The following GABRB1 variants were observed in gnomAD, a reference collection of about 807,000 sequenced individuals.
The protein encoded by GABRB1 is gamma-aminobutyric acid type A receptor subunit beta1, also known as gamma-aminobutyric acid receptor subunit beta-1.
In GABRB1, 17 loss-of-function variants were observed where a neutral mutation model predicts 51.6. The observed-to-expected ratio is 0.33, with a 90% CI of 0.23 to 0.49. The LOEUF (loss-of-function observed/expected upper bound fraction) is 0.49, where lower values mean the gene tolerates loss of function less well. Ranked by LOEUF, GABRB1 falls within the 20% of genes least tolerant of loss-of-function variation. GABRB1 has a pLI of 0.99. For synonymous variants in GABRB1, 247 were observed against 218.9 expected (o/e 1.13, Z -1.14); for missense variants, 410 against 600.6 (o/e 0.68, Z 3.32).
intron 3 of GABRB1, among the ~76,000 whole-genome samples, chr4:47,118,938 AAAT>A (rs1237659628): frequency 6.6e-6 from 1 of 152,194 alleles, no homozygotes; most frequent in Non-Finnish European, 1.5e-5. Flanking sequence ...TAATTAAAAT[AAAT>A]ATTAAAATGG....
chr4:47,196,063 T>G (rs1286572102), intron 4 of GABRB1, among the ~76,000 whole-genome samples: 1 of 152,224 alleles, frequency 6.6e-6, no homozygotes, highest in Non-Finnish European at 1.5e-5. Context: ...TCCATGGCAT[T>G]AATGCCTATA....
intron 4 of GABRB1, among the ~76,000 whole-genome samples, chr4:47,316,788 T>C (rs1319619281): frequency 6.6e-6 from 1 of 151,976 alleles, no homozygotes; most frequent in Non-Finnish European, 1.5e-5. Flanking sequence ...GGGTAGCCTT[T>C]GCTTGGTTAT....
At chr4:47,190,776 T>A (rs1275392504) in intron 4 of GABRB1, among the ~76,000 whole-genome samples, 1 of 152,152 alleles carries the variant, frequency 6.6e-6, no homozygotes, top group East Asian at 1.9e-4. Context: ...AACATATATT[T>A]TGATTCAGTA....
intron 4 of GABRB1, among the ~76,000 whole-genome samples, chr4:47,266,161 T>TA (rs957748088): frequency 3.3e-5 from 5 of 152,198 alleles, no homozygotes; most frequent in African/African-American, 1.2e-4. Context: ...TGCATATGAC[T>TA]ATCTAATTTC....
chr4:47,023,518 G>A (rs982771006), intron 1 of GABRB1, among the ~76,000 whole-genome samples: 1 of 151,876 alleles, frequency 6.6e-6, no homozygotes, highest in African/African-American at 2.4e-5. Flanking sequence ...AAAAGAACTG[G>A]AGTATGCAGT....
intron 1 of GABRB1, among the ~76,000 whole-genome samples, chr4:47,004,719 GAT>G (rs1724334193): frequency 6.6e-6 from 1 of 151,462 alleles, no homozygotes; most frequent in Non-Finnish European, 1.5e-5. Flanking sequence ...ACAAAAAACA[GAT>G]GACACAGTCT....
intron 3 of GABRB1, among the ~76,000 whole-genome samples, chr4:47,107,644 G>C (rs1715023735): frequency 6.6e-6 from 1 of 152,036 alleles, no homozygotes; most frequent in Non-Finnish European, 1.5e-5. Flanking sequence ...TAGGAATAAA[G>C]TTAGTTGACA....
intron 4 of GABRB1, among the ~76,000 whole-genome samples, chr4:47,178,891 G>C (rs1718815282): frequency 6.6e-6 from 1 of 151,944 alleles, no homozygotes; most frequent in Non-Finnish European, 1.5e-5. Flanking sequence ...CCAATTTCAT[G>C]TTCTGTTTTT....
intron 5 of GABRB1, among the ~76,000 whole-genome samples, chr4:47,356,107 G>A (rs1726560744): frequency 6.6e-6 from 1 of 152,150 alleles, no homozygotes; most frequent in Non-Finnish European, 1.5e-5. Flanking sequence ...TGAATTAATT[G>A]GATGGATGAA....
At chr4:47,008,790 T>G (rs914575550) in intron 1 of GABRB1, among the ~76,000 whole-genome samples, 2 of 146,594 alleles carry the variant, frequency 1.4e-5, no homozygotes, top group Non-Finnish European at 3.0e-5. Context: ...ATATTTTAAC[T>G]GGACTTTTAA....
chr4:47,210,617 T>G lies in GABRB1; in HGVS notation c.461+49148T>G, dbSNP rs1407856019. Among the ~76,000 whole-genome samples, 3 of 152,328 alleles carry G rather than the reference T, an allele frequency of 2.0e-5. No homozygotes were observed. In the South Asian group the frequency reaches 6.2e-4, roughly 32 times the overall value. ...TTCTGAATAAATAAAATATAATACTTGGAATATTGATATCTTCATATAATA... is the reference window on the plus strand; with the variant it reads ...TTCTGAATAAATAAAATATAATACTGGGAATATTGATATCTTCATATAATA... On this transcript the variant is annotated intron_variant, in intron 4 of 8. Transcript: ENST00000295454.
chr4:47,146,566 C>T (rs182758089), intron 3 of GABRB1, among the ~76,000 whole-genome samples: 85 of 152,020 alleles, frequency 5.6e-4, no homozygotes, highest in African/African-American at 2.0e-3. Flanking sequence ...ATTAATTCCC[C>T]AATAATGACA....
chr4:47,275,446 C>T (rs548839926), intron 4 of GABRB1, among the ~76,000 whole-genome samples: 3 of 152,204 alleles, frequency 2.0e-5, no homozygotes, highest in African/African-American at 7.2e-5. Context: ...ATTACACAAC[C>T]TCTCTGAGCC....
chr4:47,060,049 G>A (rs948868049), intron 3 of GABRB1, among the ~76,000 whole-genome samples: 1 of 152,026 alleles, frequency 6.6e-6, no homozygotes, highest in Non-Finnish European at 1.5e-5. Context: ...ATTATTTTAT[G>A]GTGTCACCAA....
chr4:47,141,902 C>T (rs1577946161), intron 3 of GABRB1, among the ~76,000 whole-genome samples: 1 of 151,858 alleles, frequency 6.6e-6, no homozygotes, highest in Non-Finnish European at 1.5e-5. Context: ...ACTCTATCAC[C>T]ATACCCCCTC....
intron 5 of GABRB1, among the ~76,000 whole-genome samples, chr4:47,360,746 A>G (rs1165852571): frequency 6.6e-6 from 1 of 152,050 alleles, no homozygotes; most frequent in Non-Finnish European, 1.5e-5. Context: ...TTCGATTACC[A>G]TATGTGTTAT....
Position 47,144,517 on chromosome 4 carries a change from G to A in GABRB1, c.241-16732G>A, listed in dbSNP as rs575518952. Among the ~76,000 whole-genome samples, 17 of 152,064 alleles carry A rather than the reference G, an allele frequency of 1.1e-4. No homozygotes were observed. In the East Asian group the frequency reaches 1.2e-3, roughly 10 times the overall value. ...TCAGTGTCCCTGAGTTATATTTGCC[G>A]TGGTAACAACTACTACTTGTTGAAC... On this transcript the variant is annotated intron_variant, in intron 3 of 8. Coordinates refer to ENST00000295454, the MANE Select transcript of GABRB1 (RefSeq NM_000812.4).
chr4:47,124,438 C>T (rs1716019833), intron 3 of GABRB1, among the ~76,000 whole-genome samples: 1 of 152,024 alleles, frequency 6.6e-6, no homozygotes, highest in Non-Finnish European at 1.5e-5. Context: ...AACATCAACA[C>T]AAGACTACAC....
intron 5 of GABRB1, among the ~76,000 whole-genome samples, chr4:47,353,462 T>C (rs1305211714): frequency 6.6e-6 from 1 of 152,208 alleles, no homozygotes; most frequent in Non-Finnish European, 1.5e-5. Context: ...TAAATGCTTT[T>C]GCAAATCTTG....
Sources: gnomAD v4.1 joint callset for allele counts (sites outside exome capture counted in the v4.1 genomes callset) on GRCh38, gnomAD v4.1.1 for gene constraint, MANE v1.5 for transcripts, NCBI Gene and HGNC (gene_info 2026-07-23, HGNC 2026-07-21) for gene names.